The following ZIC4 variants were observed in gnomAD, a reference collection of about 807,000 sequenced individuals.
The protein encoded by ZIC4 is zinc finger protein ZIC 4.
ZIC4 carries 15 observed loss-of-function variants against 28.8 expected under a neutral mutation model. The observed-to-expected ratio is 0.52, with a 90% CI of 0.35 to 0.80. The LOEUF is 0.80. Ranked by LOEUF, ZIC4 falls within the 30% of genes least tolerant of loss-of-function variation. ZIC4 has a pLI of 0.01. For missense variants in ZIC4, 512 were observed against 467.1 expected (o/e 1.10, Z -0.89); for synonymous variants, 220 against 198.1 (o/e 1.11, Z -0.93).
chr3:147,399,027 G>A (rs976902438), intron 2 of ZIC4, among the ~76,000 whole-genome samples: 1 of 151,732 alleles, frequency 6.6e-6, no homozygotes, highest in Non-Finnish European at 1.5e-5. Context: ...ACACGTCCAG[G>A]TCTTTCTGCT....
intron 3 of ZIC4, chr3:147,392,422 C>T (rs542782026): frequency 2.7e-5 from 27 of 985,466 alleles, no homozygotes; most frequent in Admixed American, 1.2e-4. Context: ...GGGGAGCTCA[C>T]GGCCAGCTGA....
Position 147,399,662 on chromosome 3 carries a change from G to GA in ZIC4, c.70+3065dup, listed in dbSNP as rs1449974198. Among the ~76,000 whole-genome samples, 8 of 142,404 alleles carry GA rather than the reference G, an allele frequency of 5.6e-5. No individual in the cohort carries two copies. In the East Asian group the frequency reaches 1.4e-3, roughly 25 times the overall value. 93.4% of individuals were successfully genotyped at this position (142,404 alleles called of 152,430 possible). On this transcript the variant is annotated intron_variant, in intron 2 of 4. Coordinates refer to ENST00000383075, the MANE Select transcript of ZIC4 (RefSeq NM_032153.6). Reference sequence around the variant, plus strand: ...TAAGACTCTGATTTGCAAAAACACGGATTTTTTTTTTTTTTTTTTTTGAGA... The same window carrying GA: ...TAAGACTCTGATTTGCAAAAACACGGAATTTTTTTTTTTTTTTTTTTTGAGA...
Position 147,402,804 on chromosome 3 carries a change from A to C in ZIC4, c.-7T>G, listed in dbSNP as rs370598076. The stretch of plus-strand genomic sequence containing the variant: ...AGGATGTCTTGTATCTCATTTTCTG[A>C]CTTTGAGCCTGTTTGGGAAGAAAAG... On this transcript the variant is annotated 5_prime_UTR_variant, in exon 2 of 5. Coordinates refer to ENST00000383075, the MANE Select transcript of ZIC4 (RefSeq NM_032153.6). The C allele has an allele frequency of 2.2e-5, 36 of 1,613,416 alleles. No individual in the cohort carries two copies. In the African/African-American group the frequency reaches 4.7e-4, roughly 21 times the overall value.
intron 3 of ZIC4, 39 bp from the exon 4 acceptor site, chr3:147,391,285 C>T (rs764337748): frequency 8.5e-6 from 13 of 1,529,472 alleles, no homozygotes; most frequent in Non-Finnish European, 4.4e-6. Context: ...GCTTGTGGGT[C>T]GTGTTCCCGT....
intron 2 of ZIC4, among the ~76,000 whole-genome samples, chr3:147,398,577 C>A (rs2087100773): frequency 6.6e-6 from 1 of 152,136 alleles, no homozygotes; most frequent in Non-Finnish European, 1.5e-5. Flanking sequence ...AGGTCAGCTG[C>A]GTCGTCCGGC....
At chr3:147,390,421 G>T (rs899441288) in intron 4 of ZIC4, among the ~76,000 whole-genome samples, 2 of 151,262 alleles carry the variant, frequency 1.3e-5, no homozygotes, top group Non-Finnish European at 2.9e-5. Flanking sequence ...TAGAGTGGGG[G>T]TGGGAGCGGC....
At chr3:147,397,777 T>A (rs1477487989) in intron 2 of ZIC4, among the ~76,000 whole-genome samples, 1 of 152,210 alleles carries the variant, frequency 6.6e-6, no homozygotes, top group African/African-American at 2.4e-5. Flanking sequence ...TAGCAGCCGT[T>A]GAGCCTAATT....
In ZIC4 at chr3:147,396,607, C is replaced by A; in HGVS notation, c.71-138G>T. On this transcript the variant is annotated intron_variant, in intron 2 of 4. Coordinates refer to ENST00000383075, the MANE Select transcript of ZIC4 (RefSeq NM_032153.6). The surrounding 1 kb of genome is among the most constrained non-coding windows in gnomAD (Gnocchi z 4.2). ...CGTGGAACTCAGAGCCAGACAGCGC[C>A]AGCAGTGAACCCGGTGGACAGAGCA... is the stretch of plus-strand genomic sequence containing the variant. 8.7e-7 allele frequency: 1 copy of A among 1,148,398 alleles called. No homozygotes were observed. The highest frequency in any genetic ancestry group is 2.0e-5 in the South Asian group (1 of 50,450). The allele number at this position is 1,148,398 out of a possible 1,614,324, so 71.1% of individuals were successfully genotyped here.
rs118060963 is a variant in ZIC4, at chr3:147,397,537, G to C, written c.71-1068C>G. Among the ~76,000 whole-genome samples, 29 of 152,104 alleles carry C rather than the reference G, an allele frequency of 1.9e-4. 1 individual carries two copies. The East Asian group carries it at 5.5e-3, about 29-fold the overall frequency. On this transcript the variant is annotated intron_variant, in intron 2 of 4. Coordinates refer to ENST00000383075, the MANE Select transcript of ZIC4 (RefSeq NM_032153.6). ...CCGGAAAGCTGAGTGGATCAGCTTT[G>C]ACTCAGGGCTCCTGGAAGTACTCGG...
At chr3:147,405,653 T>C in intron 1 of ZIC4, 1 of 696,108 alleles carries the variant, frequency 1.4e-6, no homozygotes, top group Non-Finnish European at 2.4e-6. Flanking sequence ...GCATTGGAGA[T>C]AAAGAAAGCC....
chr3:147,392,355 G>T, intron 3 of ZIC4: 1 of 985,558 alleles, frequency 1.0e-6, no homozygotes. Flanking sequence ...CTGTAGAGCC[G>T]AGGGAAGGCG....
chr3:147,395,660 C>A (rs533459156), intron 3 of ZIC4, among the ~76,000 whole-genome samples, 192 bp downstream of exon 3: 2 of 152,316 alleles, frequency 1.3e-5, no homozygotes, highest in Admixed American at 6.5e-5. Context: ...GCACTATCCT[C>A]CCTACACACA....
rs1576454236 is a variant in ZIC4 at position 147,390,208 on chromosome 3, T to C, written c.1004+723A>G. Among the ~76,000 whole-genome samples, 8 of 143,390 alleles carry C rather than the reference T, an allele frequency of 5.6e-5. No homozygotes were observed. In the East Asian group the frequency reaches 1.6e-3, roughly 29 times the overall value. The allele number at this position is 143,390 out of a possible 152,430, so 94.1% of individuals were successfully genotyped here. On this transcript the variant is annotated intron_variant, in intron 4 of 4. Transcript: ENST00000383075. ...CACCCCCTGCTGAAAAGACGATGAATCTCCCTTACCTCCTTTATAGAGGAG... is the reference window on the plus strand; with the variant it reads ...CACCCCCTGCTGAAAAGACGATGAACCTCCCTTACCTCCTTTATAGAGGAG...
chr3:147,393,258 G>C (rs910865254), intron 3 of ZIC4, among the ~76,000 whole-genome samples: 1 of 152,092 alleles, frequency 6.6e-6, no homozygotes, highest in Admixed American at 6.5e-5. Flanking sequence ...AAACAGCAGT[G>C]CACTGAGTGA....
rs1576452908 is a variant in ZIC4 at position 147,388,737 on chromosome 3, A to G, written c.*122T>C. The G allele has an allele frequency of 8.5e-6, 6 of 705,010 alleles. No homozygotes were observed. The highest frequency in any genetic ancestry group is 7.5e-5 in the East Asian group (3 of 40,232). The allele number at this position is 705,010 out of a possible 1,614,324, so 43.7% of individuals were successfully genotyped here. On this transcript the variant is annotated 3_prime_UTR_variant, in exon 5 of 5. Coordinates refer to ENST00000383075, the MANE Select transcript of ZIC4 (RefSeq NM_032153.6). ...ATTGCCATAGAAATCCTAACTTACC[A>G]TGAAGATGCACCGTGGCGAAGAAAC...
chr3:147,397,044 G>A (rs1216518494), intron 2 of ZIC4: 2 of 152,180 alleles, frequency 1.3e-5, no homozygotes, highest in African/African-American at 4.8e-5. Flanking sequence ...AGTGGGGAGG[G>A]GAAAGGAAAA....
At chr3:147,392,248 G>C in intron 3 of ZIC4, 1 of 985,828 alleles carries the variant, frequency 1.0e-6, no homozygotes, top group Non-Finnish European at 1.2e-6. Flanking sequence ...GAAGAAAACA[G>C]CTGCTGCTGT....
chr3:147,392,080 C>T (rs2107967127), intron 3 of ZIC4: 1 of 985,606 alleles, frequency 1.0e-6, no homozygotes, highest in African/African-American at 1.7e-5. Flanking sequence ...TCCCAGTCCG[C>T]ACTGACTTGC....
rs371963798 is a variant in ZIC4, at chr3:147,396,492, G to C, written c.71-23C>G. On this transcript the variant is annotated intron_variant, in intron 2 of 4. Transcript: ENST00000383075. The surrounding 1 kb of genome is among the most constrained non-coding windows in gnomAD (Gnocchi z 4.2). ...TACCTGTTGTCGAAACAAATAGCGC[G>C]CATGAGAACGGGTGGCGTGGGCTGC... 2.5e-4 allele frequency: 372 copies of C among 1,501,194 alleles called. 1 individual carries two copies. In the African/African-American group the frequency reaches 4.9e-3, roughly 20 times the overall value. The allele number at this position is 1,501,194 out of a possible 1,614,324, so 93.0% of individuals were successfully genotyped here.
Sources: allele counts gnomAD v4.1 joint callset (sites outside exome capture counted in the v4.1 genomes callset), GRCh38; gene constraint gnomAD v4.1.1; non-coding constraint Gnocchi (gnomAD v3.1); transcripts MANE v1.5; gene names NCBI Gene and HGNC (gene_info 2026-07-23, HGNC 2026-07-21).